COL28A1: variants seen among roughly 807,000 people sequenced by gnomAD.
COL28A1 encodes the protein collagen alpha-1(XXVIII) chain.
Under a neutral mutation model 150.2 loss-of-function variants are expected in COL28A1, and 161 were observed. The ratio of observed to expected loss-of-function variants is 1.07; its 90% CI spans 0.94 to 1.22. The LOEUF is 1.22. Among genes scored for constraint, COL28A1 ranks in the 50% most tolerant of loss-of-function variants. COL28A1 has a pLI of 0.00. For missense variants in COL28A1, 1,617 were observed against 1,388.3 expected (o/e 1.16, Z -2.62); for synonymous variants, 552 against 469.7 (o/e 1.18, Z -2.26).
chr7:7,374,568 A>G (rs1781446573), intron 31 of COL28A1, among the ~76,000 whole-genome samples: 1 of 152,220 alleles, frequency 6.6e-6, no homozygotes, highest in South Asian at 2.1e-4. Flanking sequence ...TTAGGTTGAT[A>G]AACAACCACT....
At chr7:7,528,983 G>T (rs1220110171) in intron 3 of COL28A1, among the ~76,000 whole-genome samples, 1 of 152,082 alleles carries the variant, frequency 6.6e-6, no homozygotes, top group Non-Finnish European at 1.5e-5. Context: ...ATTAGATAAA[G>T]AATTTTTCCA....
chr7:7,490,238 T>C (rs1344804567), intron 12 of COL28A1, among the ~76,000 whole-genome samples: 2 of 152,208 alleles, frequency 1.3e-5, no homozygotes, highest in Non-Finnish European at 2.9e-5. Context: ...TGAACCATGA[T>C]TGTTGATGTG....
chr7:7,461,393 C>T (rs1452846917), intron 15 of COL28A1, among the ~76,000 whole-genome samples: 3 of 152,320 alleles, frequency 2.0e-5, no homozygotes, highest in South Asian at 4.1e-4. Context: ...CTGGCCAGAA[C>T]TCAGGAAAGG....
chr7:7,389,047 AT>A, intron 27 of COL28A1, among the ~76,000 whole-genome samples: 1 of 151,956 alleles, frequency 6.6e-6, no homozygotes. Context: ...TGCTTTTGGT[AT>A]TTTAGTCATG....
At chr7:7,506,579 C>T (rs1780822953) in intron 10 of COL28A1, among the ~76,000 whole-genome samples, 2 of 152,288 alleles carry the variant, frequency 1.3e-5, no homozygotes, top group African/African-American at 4.8e-5. Context: ...ACTCCTCACA[C>T]AGAGCACCAT....
chr7:7,460,358 A>G (rs752282128), intron 15 of COL28A1, among the ~76,000 whole-genome samples: 5 of 151,906 alleles, frequency 3.3e-5, no homozygotes, highest in Non-Finnish European at 7.4e-5. Context: ...ATACACTTCT[A>G]TAAGAAGGTC....
intron 15 of COL28A1, among the ~76,000 whole-genome samples, chr7:7,471,142 A>AAAAAAAAAAAAAAAAAC (rs1788391587): frequency 1.4e-5 from 2 of 147,986 alleles, no homozygotes; most frequent in Admixed American, 6.7e-5. Flanking sequence ...AAAAAAAAAA[A>AAAAAAAAAAAAAAAAAC]AAGAAAAGAT....
At chr7:7,441,321 C>T (rs948041391) in intron 20 of COL28A1, among the ~76,000 whole-genome samples, 1 of 151,934 alleles carries the variant, frequency 6.6e-6, no homozygotes, top group Admixed American at 6.5e-5. Context: ...TTCTTTCCCC[C>T]AAAAGAGACC....
chr7:7,380,615 T>G, intron 30 of COL28A1, 45 bp downstream of exon 30: 1 of 1,554,502 alleles, frequency 6.4e-7, no homozygotes, highest in South Asian at 1.1e-5. Context: ...TGCAACAATT[T>G]TGCAAGCACA....
chr7:7,376,015 G>A (rs1484959841), intron 30 of COL28A1, among the ~76,000 whole-genome samples: 1 of 152,028 alleles, frequency 6.6e-6, no homozygotes, highest in Non-Finnish European at 1.5e-5. Flanking sequence ...CCTCTCTTCA[G>A]CTTCTTAACA....
chr7:7,509,763 G>A (rs1781021247), intron 9 of COL28A1, among the ~76,000 whole-genome samples: 1 of 151,954 alleles, frequency 6.6e-6, no homozygotes, highest in Non-Finnish European at 1.5e-5. Flanking sequence ...GTTTTCCCAG[G>A]TATTCTTTGA....
At chr7:7,364,542 C>T (rs377219578) in intron 33 of COL28A1, among the ~76,000 whole-genome samples, 2 of 152,322 alleles carry the variant, frequency 1.3e-5, no homozygotes, top group East Asian at 1.9e-4. Flanking sequence ...ATTGTTCTTT[C>T]GTTAAGATGC....
chr7:7,498,910 G>A lies in COL28A1; in HGVS notation c.1026+7104C>T, dbSNP rs992979807. 1.5e-4 allele frequency among the ~76,000 whole-genome samples: 22 copies of A among 149,062 alleles called. No individual in the cohort carries two copies. In the East Asian group the frequency reaches 3.7e-3, roughly 25 times the overall value. On this transcript the variant is annotated intron_variant, in intron 11 of 34. Transcript: ENST00000399429. ...TTTACCTGACAATCTACACACACAC[G>A]CACACACACACACACACAGAGTATA... is the stretch of plus-strand genomic sequence containing the variant.
At chr7:7,441,902 A>G (rs1785824053) in intron 20 of COL28A1, among the ~76,000 whole-genome samples, 2 of 152,176 alleles carry the variant, frequency 1.3e-5, no homozygotes, top group East Asian at 1.9e-4. Flanking sequence ...AAAAAAAAAG[A>G]GTTGAATGTC....
chr7:7,490,217 C>T (rs760173754), intron 12 of COL28A1, among the ~76,000 whole-genome samples: 3 of 152,128 alleles, frequency 2.0e-5, no homozygotes, highest in Non-Finnish European at 4.4e-5. Context: ...CCCCTTTATG[C>T]TTATTCAATG....
At position 7,531,880 on chromosome 7, in the gene COL28A1, A is replaced by G. The variant is rs758332783; in HGVS notation, c.149T>C (p.Val50Ala). The stretch of plus-strand genomic sequence containing the variant: ...ACTTTCAGAGCTGTCCACGATGAAG[A>G]CAATATCTATGAAACAAATGGAGCC... ...VQGSICFIDI[V>A]FIVDSSESSK... Residue 50 changes from valine (V) to alanine (A), a missense_variant, in exon 3 of 35, where the codon GTC becomes GCC. By Grantham distance (64) the Val-to-Ala change is moderately conservative. Transcript: ENST00000399429. The G allele has an allele frequency of 3.7e-6, 6 of 1,606,346 alleles. No homozygotes were observed. The highest frequency in any genetic ancestry group is 1.7e-6 in the Non-Finnish European group (2 of 1,173,588).
In COL28A1 at chr7:7,417,932, T is replaced by C. The variant is rs1583325228; in HGVS notation, c.2068-5A>G. The C allele has an allele frequency of 6.2e-7, 1 of 1,603,138 alleles. No individual in the cohort carries two copies. The highest frequency in any genetic ancestry group is 8.5e-7 in the Non-Finnish European group (1 of 1,176,096). On this transcript the variant is annotated splice_polypyrimidine_tract_variant and splice_region_variant and intron_variant, in intron 26 of 34. Coordinates refer to ENST00000399429, the MANE Select transcript of COL28A1 (RefSeq NM_001037763.3). ...GCCTTTCTGCCCAGTATCACCCTGT[T>C]AGAAGATGGGGAGAATTTGAAGACA...
chr7:7,528,776 T>C (rs1324194961), intron 3 of COL28A1, among the ~76,000 whole-genome samples: 1 of 152,162 alleles, frequency 6.6e-6, no homozygotes, highest in Non-Finnish European at 1.5e-5. Flanking sequence ...GGGGAGGTGA[T>C]GGAAATGTTC....
At chr7:7,496,747 C>A (rs78516769) in intron 11 of COL28A1, among the ~76,000 whole-genome samples, 7,696 of 152,192 alleles carry the variant, frequency 0.051, 256 homozygotes, top group Non-Finnish European at 0.077. Context: ...TTTGATAATA[C>A]AATTATGAAC....
Sources: gnomAD v4.1 joint callset for allele counts (sites outside exome capture counted in the v4.1 genomes callset) on GRCh38, gnomAD v4.1.1 for gene constraint, MANE v1.5 for transcripts, NCBI Gene and HGNC (gene_info 2026-07-23, HGNC 2026-07-21) for gene names.